The following RNF216 variants were observed in gnomAD, a reference collection of about 807,000 sequenced individuals.
The protein encoded by RNF216 is ring finger protein 216, also known as E3 ubiquitin-protein ligase RNF216.
RNF216 carries 72 observed loss-of-function variants against 110.8 expected under a neutral mutation model. The ratio of observed to expected loss-of-function variants is 0.65; its 90% CI spans 0.54 to 0.79. The LOEUF (loss-of-function observed/expected upper bound fraction) is 0.79. Ranked by LOEUF, RNF216 falls within the 30% of genes least tolerant of loss-of-function variation. RNF216 has a pLI of 0.00. For synonymous variants in RNF216, 495 were observed against 407.5 expected, an observed-to-expected ratio of 1.21 and a Z score of -2.59; for missense variants, 1,342 against 1,141.2, an observed-to-expected ratio of 1.18 and a Z score of -2.54.
intron 13 of RNF216, among the ~76,000 whole-genome samples, chr7:5,704,483 G>A (rs1792163801): frequency 6.6e-6 from 1 of 152,182 alleles, no homozygotes; most frequent in Non-Finnish European, 1.5e-5. Context: ...AAGCGTATGC[G>A]CTAATAACAT....
chr7:5,697,724 A>C (rs993245343), intron 13 of RNF216, among the ~76,000 whole-genome samples: 1 of 152,204 alleles, frequency 6.6e-6, no homozygotes, highest in African/African-American at 2.4e-5. Context: ...TGAGGTGCTT[A>C]GGATGCAAGG....
chr7:5,651,624 C>T (rs1788393409), intron 14 of RNF216, among the ~76,000 whole-genome samples: 1 of 151,520 alleles, frequency 6.6e-6, no homozygotes, highest in Admixed American at 6.6e-5. Flanking sequence ...AAAGAGATTT[C>T]AGTATTACTT....
At chr7:5,677,080 A>G (rs1790346243) in intron 13 of RNF216, among the ~76,000 whole-genome samples, 1 of 152,156 alleles carries the variant, frequency 6.6e-6, no homozygotes, top group East Asian at 1.9e-4. Context: ...GACCACATAC[A>G]TCTCCCTTGT....
intron 13 of RNF216, among the ~76,000 whole-genome samples, chr7:5,676,590 G>A (rs909398941): frequency 2.0e-5 from 3 of 152,080 alleles, no homozygotes; most frequent in Non-Finnish European, 4.4e-5. Flanking sequence ...CTCTCATGGG[G>A]CTCCTGGCAC....
chr7:5,698,206 CTCAAAAGG>C (rs1236842034), intron 13 of RNF216, among the ~76,000 whole-genome samples: 1 of 152,126 alleles, frequency 6.6e-6, no homozygotes, highest in Non-Finnish European at 1.5e-5. Flanking sequence ...TAGAGGGACA[CTCAAAAGG>C]TCATGTGGGC....
At chr7:5,666,642 G>A (rs527687402) in intron 13 of RNF216, 1 of 152,278 alleles carries the variant, frequency 6.6e-6, no homozygotes, top group South Asian at 2.1e-4. Flanking sequence ...GAGCTCTCAA[G>A]CCTTCTGAGC....
intron 11 of RNF216, among the ~76,000 whole-genome samples, chr7:5,713,984 C>T (rs1421239133): frequency 6.6e-6 from 1 of 152,146 alleles, no homozygotes; most frequent in African/African-American, 2.4e-5. Context: ...AGGTCACGCT[C>T]TTTGAAAAAA....
chr7:5,652,365 G>C (rs748010065), intron 14 of RNF216, 48 bp downstream of exon 14: 2 of 1,337,400 alleles, frequency 1.5e-6, no homozygotes, highest in African/African-American at 1.4e-5. Context: ...GCAGGTTAAT[G>C]GGGAAGTTGA....
intron 14 of RNF216, among the ~76,000 whole-genome samples, chr7:5,645,963 A>G (rs369112711): frequency 6.6e-6 from 1 of 152,114 alleles, no homozygotes; most frequent in East Asian, 1.9e-4. Context: ...TTCTTTGCCC[A>G]TGGTTTCACC....
intron 14 of RNF216, among the ~76,000 whole-genome samples, chr7:5,645,802 C>A (rs35890223): frequency 2.0e-5 from 3 of 152,120 alleles, no homozygotes; most frequent in Non-Finnish European, 2.9e-5. Context: ...GTTGGCCAGG[C>A]TGGTCTTGAA....
intron 13 of RNF216, among the ~76,000 whole-genome samples, chr7:5,704,408 G>T (rs1026623858): frequency 3.3e-5 from 5 of 152,122 alleles, no homozygotes; most frequent in Non-Finnish European, 5.9e-5. Context: ...AAGGATTAGC[G>T]ACTGCTTTAG....
At chr7:5,700,033 T>C (rs1791864630) in intron 13 of RNF216, among the ~76,000 whole-genome samples, 1 of 152,248 alleles carries the variant, frequency 6.6e-6, no homozygotes, top group Non-Finnish European at 1.5e-5. Flanking sequence ...CTCATCTTGC[T>C]CGATGCCCTA....
At chr7:5,690,937 C>A (rs1249310721) in intron 13 of RNF216, among the ~76,000 whole-genome samples, 1 of 152,174 alleles carries the variant, frequency 6.6e-6, no homozygotes, top group Admixed American at 6.5e-5. Context: ...ACAGATGAGT[C>A]AACTTGGACC....
rs942926645 is a variant in RNF216 at position 5,725,247 on chromosome 7, G to A, written c.1504+77C>T. 12 of 857,300 alleles carry A rather than the reference G, an allele frequency of 1.4e-5. 1 individual carries two copies. The highest frequency in any genetic ancestry group is 4.5e-5 in the South Asian group (3 of 66,168). The allele number at this position is 857,300 out of a possible 1,614,324, so 53.1% of individuals were successfully genotyped here. A position where few individuals can be genotyped will look rare whatever the true frequency, so the allele number is the denominator to read the frequency against. On this transcript the variant is annotated intron_variant, in intron 8 of 16. Coordinates refer to ENST00000389902, the MANE Select transcript of RNF216 (RefSeq NM_207111.4). ...GATGCTCAGCAGACACCTGTAGCAC[G>A]GCTTCCTTCACTGACTGTGAAGAAG...
intron 1 of RNF216, among the ~76,000 whole-genome samples, chr7:5,763,706 A>G (rs1436648989): frequency 6.6e-6 from 1 of 152,014 alleles, no homozygotes; most frequent in Admixed American, 6.6e-5. Flanking sequence ...AGTAGCTGGG[A>G]CCACAGGCAT....
chr7:5,730,255 GGACA>G lies in RNF216; in HGVS notation c.1224+456_1224+459del, dbSNP rs768669730. Among the ~76,000 whole-genome samples the G allele has an allele frequency of 1.1e-3, 175 of 152,230 alleles. 2 individuals carry two copies. Among genetic ancestry groups the G allele is most frequent in the Non-Finnish European group, 3.8e-4 (26 of 68,014 alleles). ...TGAAACATAACAAAGTTGTGCTGAT[GGACA>G]GACAGAGGACATATGTATGATAAAG... On this transcript the variant is annotated intron_variant, in intron 6 of 16. Transcript: ENST00000389902.
chr7:5,674,461 A>G (rs1790136954), intron 13 of RNF216, among the ~76,000 whole-genome samples: 1 of 148,448 alleles, frequency 6.7e-6, no homozygotes, highest in African/African-American at 2.5e-5. Flanking sequence ...CCAGCCCTAC[A>G]TCTCTTAAAA....
chr7:5,642,760 T>A (rs939384184), intron 14 of RNF216, among the ~76,000 whole-genome samples: 1 of 152,210 alleles, frequency 6.6e-6, no homozygotes, highest in Admixed American at 6.5e-5. Context: ...ATTACAAGCG[T>A]GAGCCACTGC....
chr7:5,666,294 G>GA (rs1251816926), intron 13 of RNF216, among the ~76,000 whole-genome samples: 1 of 152,054 alleles, frequency 6.6e-6, no homozygotes, highest in East Asian at 1.9e-4. Flanking sequence ...GTGCTGAGGA[G>GA]AAAAAAATAA....
Sources: allele counts gnomAD v4.1 joint callset (sites outside exome capture counted in the v4.1 genomes callset), GRCh38; gene constraint gnomAD v4.1.1; transcripts MANE v1.5; gene names NCBI Gene and HGNC (gene_info 2026-07-23, HGNC 2026-07-21).